Variants in USP32 observed in about 807,000 individuals in gnomAD.
USP32 encodes ubiquitin carboxyl-terminal hydrolase 32.
A neutral mutation model predicts 204.8 loss-of-function variants in USP32; 59 were observed. That is an observed-to-expected ratio of 0.29 (90% CI 0.23 to 0.36). The LOEUF (loss-of-function observed/expected upper bound fraction) is 0.36. USP32 is among the 10% of genes least tolerant of loss of function. The pLI, the probability that USP32 is intolerant of heterozygous loss-of-function variation, is 1.00. For synonymous variants in USP32, 517 were observed against 678.4 expected (o/e 0.76, Z 3.70); for missense variants, 1,160 against 1,946.4 (o/e 0.60, Z 7.60).
Position 60,368,991 on chromosome 17 carries a change from A to ATTTTTTTTTTTTTTTTTTTTT in USP32, c.58+22870_58+22890dup, listed in dbSNP as rs758528054. ...ACATACACGAATTATTTTTTAAAAG[A>ATTTTTTTTTTTTTTTTTTTTT]TTTTTTTTTTTTTTTTTTTTTGAGA... On this transcript the variant is annotated intron_variant, in intron 1 of 33. Coordinates refer to ENST00000300896, the MANE Select transcript of USP32 (RefSeq NM_032582.4). Among the ~76,000 whole-genome samples the ATTTTTTTTTTTTTTTTTTTTT allele has an allele frequency of 2.5e-4, 29 of 114,114 alleles. 1 individual carries two copies. The highest frequency in any genetic ancestry group is 1.2e-3 in the African/African-American group (24 of 19,574). 74.9% of individuals were successfully genotyped at this position (114,114 alleles called of 152,430 possible).
Position 60,252,400 on chromosome 17 carries a change from C to T in USP32, c.1117G>A (p.Glu373Lys). Residue 373 changes from glutamate to lysine, a missense_variant, in exon 11 of 34, where the codon GAA (glutamate) becomes AAA (lysine). Transcript: ENST00000300896. Reference protein sequence around the residue: ...VLGLRPATPEEEGQIIRGWLE... With the variant: ...VLGLRPATPEKEGQIIRGWLE... ...ATTTACCTAATAATTTGTCCTTCTT[C>T]TTCCGGAGTAGCTGGTCTTAACCCC... 6.2e-7 allele frequency: 1 copy of T among 1,609,538 alleles called. No homozygotes were observed. Among genetic ancestry groups the T allele is most frequent in the Non-Finnish European group, 8.5e-7 (1 of 1,178,108 alleles).
At chr17:60,343,853 G>A (rs1476024986) in intron 2 of USP32, among the ~76,000 whole-genome samples, 1 of 152,066 alleles carries the variant, frequency 6.6e-6, no homozygotes, top group Admixed American at 6.5e-5. Flanking sequence ...CCAACATGGT[G>A]AAACCTCGTC....
chr17:60,243,127 ATTG>A (rs1165090572), intron 11 of USP32, among the ~76,000 whole-genome samples: 3 of 152,238 alleles, frequency 2.0e-5, no homozygotes, highest in South Asian at 2.1e-4. Flanking sequence ...AGTGAATGGA[ATTG>A]TTGTCTTCTT....
intron 1 of USP32, among the ~76,000 whole-genome samples, chr17:60,420,466 G>C (rs903489897): frequency 1.3e-5 from 2 of 152,146 alleles, no homozygotes; most frequent in African/African-American, 4.8e-5. Context: ...TCGGGAGTTA[G>C]ACACCAGCGT....
chr17:60,373,942 TG>T (rs2089492658), intron 1 of USP32, among the ~76,000 whole-genome samples: 2 of 152,290 alleles, frequency 1.3e-5, no homozygotes, highest in South Asian at 4.1e-4. Context: ...ACATACACTT[TG>T]GGAGGCCGAG....
chr17:60,279,422 C>T (rs1008842990), intron 5 of USP32, among the ~76,000 whole-genome samples: 10 of 150,166 alleles, frequency 6.7e-5, no homozygotes, highest in African/African-American at 2.0e-4. Context: ...GAGGTTGAGG[C>T]GGCATTGAGC....
intron 26 of USP32, among the ~76,000 whole-genome samples, chr17:60,201,418 C>T (rs2084672724): frequency 6.6e-6 from 1 of 152,214 alleles, no homozygotes; most frequent in African/African-American, 2.4e-5. Context: ...ACAGGTAGAA[C>T]TGCTTATCTT....
chr17:60,275,678 A>C (rs928722070), intron 5 of USP32, among the ~76,000 whole-genome samples: 10 of 152,158 alleles, frequency 6.6e-5, no homozygotes, highest in Non-Finnish European at 1.5e-4. Flanking sequence ...AGATAAGAAC[A>C]AAGTTCCCTA....
chr17:60,346,965 G>C (rs2088801523), intron 1 of USP32, among the ~76,000 whole-genome samples: 1 of 152,142 alleles, frequency 6.6e-6, no homozygotes, highest in Non-Finnish European at 1.5e-5. Flanking sequence ...TCATAAGGAA[G>C]GGACACAGTC....
intron 2 of USP32, among the ~76,000 whole-genome samples, chr17:60,318,822 T>A (rs1049686262): frequency 1.3e-5 from 2 of 152,162 alleles, no homozygotes; most frequent in Admixed American, 1.3e-4. Context: ...ACGGTAACCT[T>A]GTAAGAGAAA....
At chr17:60,320,920 T>C (rs971668192) in intron 2 of USP32, among the ~76,000 whole-genome samples, 3 of 152,328 alleles carry the variant, frequency 2.0e-5, no homozygotes, top group East Asian at 1.9e-4. Flanking sequence ...AGAGTAGCTA[T>C]GGTCCTAGGA....
chr17:60,232,107 AG>A lies in USP32; in HGVS notation c.1239+4030del, dbSNP rs983303431. 2.2e-4 allele frequency among the ~76,000 whole-genome samples: 34 copies of A among 151,912 alleles called. 1 individual carries two copies. Among genetic ancestry groups the A allele is most frequent in the African/African-American group, 7.7e-4 (32 of 41,504 alleles). On this transcript the variant is annotated intron_variant, in intron 12 of 33. Transcript: ENST00000300896. ...AAAAATTAAAGCTAAGTACTCTCTT[AG>A]GTAGGCAGATGAAGCTCTAAGATCA... is the stretch of plus-strand genomic sequence containing the variant.
At chr17:60,421,018 T>C (rs79201147) in intron 1 of USP32, among the ~76,000 whole-genome samples, 1 of 152,302 alleles carries the variant, frequency 6.6e-6, no homozygotes, top group East Asian at 1.9e-4. Context: ...GACTAATTCC[T>C]CCTATAAGTA....
At chr17:60,201,998 T>C (rs1007516109) in intron 26 of USP32, among the ~76,000 whole-genome samples, 8 of 152,192 alleles carry the variant, frequency 5.3e-5, no homozygotes, top group African/African-American at 1.9e-4. Flanking sequence ...TCTTTTCTTT[T>C]ATATGAGTAG....
intron 16 of USP32, among the ~76,000 whole-genome samples, chr17:60,216,337 A>G (rs148765949): frequency 2.4e-3 from 358 of 151,510 alleles, no homozygotes; most frequent in Non-Finnish European, 4.1e-3. Flanking sequence ...CTACTCCGCC[A>G]AAAATCTAGA....
chr17:60,218,497 T>C (rs2085162019), intron 16 of USP32, among the ~76,000 whole-genome samples: 2 of 152,214 alleles, frequency 1.3e-5, no homozygotes, highest in South Asian at 2.1e-4. Flanking sequence ...AGTACTTCTT[T>C]TGGTCAGGGT....
Position 60,311,148 on chromosome 17 carries a change from T to C in USP32, c.187-9444A>G, listed in dbSNP as rs1387660236. Among the ~76,000 whole-genome samples, 4 of 152,176 alleles carry C rather than the reference T, an allele frequency of 2.6e-5. No individual in the cohort carries two copies. The East Asian group carries it at 5.8e-4, about 22-fold the overall frequency. On this transcript the variant is annotated intron_variant, in intron 2 of 33. Transcript: ENST00000300896. The stretch of plus-strand genomic sequence containing the variant: ...ACTAGAAAAAATTAATTCAAATGTT[T>C]CTAGCATAAAGGACAAACATTTAAG...
intron 1 of USP32, among the ~76,000 whole-genome samples, chr17:60,411,658 C>T (rs2090019487): frequency 6.6e-6 from 1 of 151,812 alleles, no homozygotes; most frequent in East Asian, 2.0e-4. Context: ...TACAGGCATG[C>T]ACCACCATGT....
At chr17:60,394,165 A>G (rs1055187901), upstream of USP32, among the ~76,000 whole-genome samples, 1 of 152,204 alleles carries the variant, frequency 6.6e-6, no homozygotes, top group Non-Finnish European at 1.5e-5. Flanking sequence ...TTTAATTTCC[A>G]GGTCATTAGT....
Sources: gnomAD v4.1 joint callset for allele counts (sites outside exome capture counted in the v4.1 genomes callset) on GRCh38, gnomAD v4.1.1 for gene constraint, MANE v1.5 for transcripts, NCBI Gene and HGNC (gene_info 2026-07-23, HGNC 2026-07-21) for gene names.